ZSCAN5A: variants seen among roughly 807,000 people sequenced by gnomAD.
ZSCAN5A encodes the protein zinc finger and SCAN domain-containing protein 5A.
ZSCAN5A carries 12 observed loss-of-function variants against 23.7 expected under a neutral mutation model. The observed-to-expected ratio is 0.51, with a 90% CI of 0.32 to 0.82. The LOEUF (loss-of-function observed/expected upper bound fraction) is 0.82. Among genes scored for constraint, ZSCAN5A ranks in the 40% least tolerant of loss-of-function variants. The pLI is 0.03. For missense variants in ZSCAN5A, 597 were observed against 617.9 expected, an observed-to-expected ratio of 0.97 and a Z score of 0.36; for synonymous variants, 257 against 239.9, an observed-to-expected ratio of 1.07 and a Z score of -0.66.
At chr19:56,305,666 G>A (rs11084444) in intron 2 of ZSCAN5A, among the ~76,000 whole-genome samples, 82,262 of 152,010 alleles carry the variant, frequency 0.54, 22,582 homozygotes, top group Middle Eastern at 0.72. Flanking sequence ...AGTAGTGAAC[G>A]GGGCAGACAA....
chr19:56,366,509 G>C (rs2041767192), intron 1 of ZSCAN5A, among the ~76,000 whole-genome samples: 3 of 151,474 alleles, frequency 2.0e-5, no homozygotes, highest in Admixed American at 2.0e-4. Flanking sequence ...GGTGGCTCCA[G>C]TAGCCTGAAT....
chr19:56,231,191 T>C (rs1294752340), intron 2 of ZSCAN5A, among the ~76,000 whole-genome samples: 1 of 152,016 alleles, frequency 6.6e-6, no homozygotes, highest in Non-Finnish European at 1.5e-5. Flanking sequence ...CCAGCCAGGG[T>C]AACAGAGCCA....
intron 2 of ZSCAN5A, among the ~76,000 whole-genome samples, chr19:56,260,036 TA>T (rs1344086904): frequency 6.6e-6 from 1 of 152,154 alleles, no homozygotes; most frequent in African/African-American, 2.4e-5. Context: ...AGAAAAAAGT[TA>T]ATAAAAATAA....
chr19:56,253,707 CTAAA>C (rs2146769815), intron 2 of ZSCAN5A, among the ~76,000 whole-genome samples: 1 of 152,232 alleles, frequency 6.6e-6, no homozygotes, highest in African/African-American at 2.4e-5. Flanking sequence ...GTTACAGACA[CTAAA>C]TACATTTTTT....
intron 2 of ZSCAN5A, among the ~76,000 whole-genome samples, chr19:56,252,258 T>C (rs1473175123): frequency 6.6e-6 from 1 of 152,128 alleles, no homozygotes; most frequent in East Asian, 1.9e-4. Context: ...AAAGGAGAAC[T>C]GATGGATTCA....
Position 56,319,945 on chromosome 19 carries a change from G to A in ZSCAN5A, c.-357-3677C>T, listed in dbSNP as rs1227855792. ...CAACCTGTCCATTTTTATTCAAATC[G>A]ACTTCATTTAGAATTTCATGGAGTG... On this transcript the variant is annotated intron_variant, in intron 2 of 6. Coordinates refer to the ZSCAN5A transcript ENST00000587340. The A allele has an allele frequency of 1.4e-5, 18 of 1,290,282 alleles. No homozygotes were observed. In the Admixed American group the frequency reaches 1.5e-4, roughly 11 times the overall value. The allele number at this position is 1,290,282 out of a possible 1,614,324, so 79.9% of individuals were successfully genotyped here. A position where few individuals can be genotyped will look rare whatever the true frequency, so the allele number is the denominator to read the frequency against.
At chr19:56,301,648 C>A (rs2040239567) in intron 2 of ZSCAN5A, among the ~76,000 whole-genome samples, 1 of 152,220 alleles carries the variant, frequency 6.6e-6, no homozygotes, top group South Asian at 2.1e-4. Flanking sequence ...TTTACCCAGC[C>A]CCTATTCAAG....
chr19:56,257,697 C>T (rs1393612356), intron 2 of ZSCAN5A, among the ~76,000 whole-genome samples: 19 of 130,266 alleles, frequency 1.5e-4, no homozygotes, highest in African/African-American at 4.7e-4. Flanking sequence ...TAGACACAGG[C>T]GCCGGGGGAC....
At chr19:56,274,185 G>A (rs1349625755) in intron 2 of ZSCAN5A, among the ~76,000 whole-genome samples, 1 of 152,072 alleles carries the variant, frequency 6.6e-6, no homozygotes, top group Non-Finnish European at 1.5e-5. Context: ...CGGGCGCGGT[G>A]GCTCACACCT....
intron 2 of ZSCAN5A, among the ~76,000 whole-genome samples, chr19:56,239,966 A>G (rs1284256432): frequency 6.6e-6 from 1 of 152,120 alleles, no homozygotes; most frequent in African/African-American, 2.4e-5. Context: ...GTTCAAGACC[A>G]GCCTGGCCAA....
Position 56,292,390 on chromosome 19 carries a change from G to A in ZSCAN5A, c.-128+20893C>T, listed in dbSNP as rs893700258. Among the ~76,000 whole-genome samples the A allele has an allele frequency of 1.3e-5, 2 of 151,946 alleles. 1 individual carries two copies. Among genetic ancestry groups the A allele is most frequent in the African/African-American group, 4.8e-5 (2 of 41,348 alleles). On this transcript the variant is annotated intron_variant, in intron 2 of 5. Transcript: ENST00000683990. ...CGATCCTTCTTTCTTAGCCTCCTGAGGAACTGGGACTACAGGTGTGCATCA... is the reference window on the plus strand; with the variant it reads ...CGATCCTTCTTTCTTAGCCTCCTGAAGAACTGGGACTACAGGTGTGCATCA...
chr19:56,308,709 T>C (rs995078484), intron 2 of ZSCAN5A, among the ~76,000 whole-genome samples: 1 of 151,820 alleles, frequency 6.6e-6, no homozygotes, highest in African/African-American at 2.4e-5. Flanking sequence ...TTCCTTGATC[T>C]CTGTCTACCT....
chr19:56,268,943 C>G (rs1381948244), intron 2 of ZSCAN5A, among the ~76,000 whole-genome samples: 2 of 152,190 alleles, frequency 1.3e-5, no homozygotes. Context: ...CACCCATGTT[C>G]TAGCATGTAT....
intron 2 of ZSCAN5A, chr19:56,320,727 A>T (rs574308912): frequency 5.8e-6 from 7 of 1,206,122 alleles, no homozygotes; most frequent in East Asian, 2.3e-5. Context: ...ATATATGGAA[A>T]TTCTGACACA....
intron 2 of ZSCAN5A, among the ~76,000 whole-genome samples, chr19:56,303,303 C>A (rs1238181755): frequency 6.6e-6 from 1 of 151,948 alleles, no homozygotes; most frequent in Non-Finnish European, 1.5e-5. Flanking sequence ...CATGGTGAAA[C>A]CCCGTCTCTA....
chr19:56,267,998 C>T (rs906518900), intron 2 of ZSCAN5A, among the ~76,000 whole-genome samples: 3 of 152,218 alleles, frequency 2.0e-5, no homozygotes, highest in African/African-American at 7.2e-5. Context: ...ATTTCAGAGC[C>T]TGGCTAAATC....
intron 2 of ZSCAN5A, among the ~76,000 whole-genome samples, chr19:56,288,961 T>C (rs901133800): frequency 1.3e-5 from 2 of 152,134 alleles, no homozygotes; most frequent in Non-Finnish European, 1.5e-5. Context: ...TCAAACTCCT[T>C]TAAGAAAATG....
intron 2 of ZSCAN5A, among the ~76,000 whole-genome samples, chr19:56,288,735 T>C (rs867281251): frequency 1.2e-4 from 18 of 152,308 alleles, no homozygotes; most frequent in African/African-American, 4.3e-4. Context: ...TCATCTCCAG[T>C]AGCATTTCCA....
intron 2 of ZSCAN5A, 120 bp downstream of exon 2, chr19:56,313,163 G>A (rs182696207): frequency 5.9e-4 from 127 of 217,028 alleles, no homozygotes; most frequent in African/African-American, 2.8e-3. Flanking sequence ...TAAAAGCCAC[G>A]GAAACCACCC....
Sources: allele counts gnomAD v4.1 joint callset (sites outside exome capture counted in the v4.1 genomes callset), GRCh38; gene constraint gnomAD v4.1.1; transcripts MANE v1.5; gene names NCBI Gene and HGNC (gene_info 2026-07-23, HGNC 2026-07-21).